NHSL2: variants seen among roughly 807,000 people sequenced by gnomAD.
NHSL2 encodes the protein NHS like 2.
Under a neutral mutation model 53.4 loss-of-function variants are expected in NHSL2, and 27 were observed. The ratio of observed to expected loss-of-function variants is 0.51; its 90% CI spans 0.37 to 0.70. The LOEUF is 0.70. NHSL2 is among the 30% of genes least tolerant of loss of function. The pLI is 0.00. For synonymous variants in NHSL2, 408 were observed against 404.1 expected (o/e 1.01, Z -0.12); for missense variants, 892 against 980.1 (o/e 0.91, Z 1.20).
At chrX:72,127,697 T>A (rs2042241200) in intron 1 of NHSL2, 1 of 68,999 alleles carries the variant, frequency 1.4e-5, no homozygotes, top group African/African-American at 3.8e-5. Context: ...CTTGAGGAAA[T>A]CAGATAAAAT....
chrX:72,131,575 G>T, intron 1 of NHSL2: 1 of 1,137,437 alleles, frequency 8.8e-7, no homozygotes, highest in Non-Finnish European at 1.2e-6. Context: ...GCTCCGTGGT[G>T]GGGAAAGGGG....
chrX:71,933,749 G>A (rs1033383786), intron 1 of NHSL2, among the ~76,000 whole-genome samples: 9 of 111,599 alleles, frequency 8.1e-5, no homozygotes, highest in African/African-American at 2.9e-4. Flanking sequence ...TTACTATGAC[G>A]TGGAAGCCCT....
intron 1 of NHSL2, among the ~76,000 whole-genome samples, chrX:72,071,062 G>A (rs1340124781): frequency 2.7e-5 from 3 of 111,372 alleles, no homozygotes; most frequent in Non-Finnish European, 3.8e-5. Context: ...CTTACAGGGC[G>A]TGGTGGGGAG....
At chrX:71,970,557 G>T (rs922536064) in intron 1 of NHSL2, among the ~76,000 whole-genome samples, 3 of 107,479 alleles carry the variant, frequency 2.8e-5, no homozygotes, top group East Asian at 2.8e-4. Flanking sequence ...TTTTATTTCT[G>T]TAAGGTCAGT....
chrX:72,041,912 C>T (rs1029847709), intron 1 of NHSL2, among the ~76,000 whole-genome samples: 4 of 112,083 alleles, frequency 3.6e-5, no homozygotes, highest in African/African-American at 1.3e-4. Context: ...AACATGAGAA[C>T]GGTGAGGTGA....
intron 1 of NHSL2, among the ~76,000 whole-genome samples, chrX:72,014,046 A>G (rs956496200): frequency 8.1e-5 from 9 of 111,480 alleles, no homozygotes; most frequent in Non-Finnish European, 1.5e-4. Context: ...TAGATTTGGG[A>G]AGTTTATATT....
At chrX:72,107,413 G>A (rs1181377095) in intron 1 of NHSL2, among the ~76,000 whole-genome samples, 1 of 112,581 alleles carries the variant, frequency 8.9e-6, no homozygotes, top group Non-Finnish European at 1.9e-5. Flanking sequence ...TTGTGGGTAG[G>A]CAGGGAGTTC....
chrX:72,097,495 T>G (rs902927524), intron 1 of NHSL2, among the ~76,000 whole-genome samples: 1 of 112,113 alleles, frequency 8.9e-6, no homozygotes, highest in Admixed American at 9.4e-5. Flanking sequence ...TTCAAAACCC[T>G]TCTTTATTCT....
intron 1 of NHSL2, among the ~76,000 whole-genome samples, chrX:72,054,046 C>G (rs917371064): frequency 9.0e-6 from 1 of 110,880 alleles, no homozygotes; most frequent in Non-Finnish European, 1.9e-5. Context: ...TGAAGAGAAC[C>G]TCACAACTCT....
At chrX:72,032,895 ATATTTTGTGGGTC>A (rs2042223049) in intron 1 of NHSL2, among the ~76,000 whole-genome samples, 1 of 111,850 alleles carries the variant, frequency 8.9e-6, no homozygotes, top group Non-Finnish European at 1.9e-5. Context: ...TCAGTTGGGC[ATATTTTGTGGGTC>A]TATTTCTGGA....
At chrX:71,969,858 G>C (rs2041917993) in intron 1 of NHSL2, among the ~76,000 whole-genome samples, 1 of 111,720 alleles carries the variant, frequency 9.0e-6, no homozygotes, top group Admixed American at 9.5e-5. Flanking sequence ...CCTTGTCTTA[G>C]GGAAAAGCTT....
intron 1 of NHSL2, among the ~76,000 whole-genome samples, chrX:72,088,400 T>C (rs1327126429): frequency 8.9e-6 from 1 of 112,701 alleles, no homozygotes; most frequent in Non-Finnish European, 1.9e-5. Context: ...AGTCTGGAAC[T>C]TAATTAATAG....
chrX:72,033,183 C>CTTTTT (rs771573442), intron 1 of NHSL2, among the ~76,000 whole-genome samples: 2 of 78,987 alleles, frequency 2.5e-5, no homozygotes, highest in African/African-American at 1.0e-4. Context: ...GAAGAATTGA[C>CTTTTT]TTTTTTTTTT....
In NHSL2 at chrX:72,126,528, C is replaced by G. The variant is rs191686685; in HGVS notation, c.281-5551C>G. On this transcript the variant is annotated intron_variant, in intron 1 of 7. Coordinates refer to ENST00000633930, the MANE Select transcript of NHSL2 (RefSeq NM_001013627.3). ...GATGTGAAGTGCCTGGCACAGCACT[C>G]AAAAGCAGCAGAGGCTTAATGAATG... is the stretch of plus-strand genomic sequence containing the variant. 2.5e-4 allele frequency among the ~76,000 whole-genome samples: 27 copies of G among 109,874 alleles called. No individual in the cohort carries two copies. In the East Asian group the frequency reaches 7.1e-3, roughly 29 times the overall value.
intron 1 of NHSL2, among the ~76,000 whole-genome samples, chrX:72,090,256 G>C (rs923460366): frequency 1.8e-5 from 2 of 110,793 alleles, no homozygotes; most frequent in Non-Finnish European, 3.8e-5. Context: ...GTAGAGACAG[G>C]GTTTCACCGT....
chrX:71,964,029 A>ATATATATGTGTGTGTG (rs1556312370), intron 1 of NHSL2, among the ~76,000 whole-genome samples: 2 of 32,059 alleles, frequency 6.2e-5, no homozygotes, highest in South Asian at 1.6e-3. Flanking sequence ...ATATATGTGT[A>ATATATATGTGTGTGTG]TATATATATA....
chrX:71,941,399 C>T (rs1386688983), intron 1 of NHSL2, among the ~76,000 whole-genome samples: 1 of 111,446 alleles, frequency 9.0e-6, no homozygotes, highest in Non-Finnish European at 1.9e-5. Context: ...TCAGCGTCAA[C>T]ATCTTTCAGA....
intron 1 of NHSL2, among the ~76,000 whole-genome samples, chrX:71,960,026 T>C (rs1267479185): frequency 8.9e-6 from 1 of 112,403 alleles, no homozygotes; most frequent in Non-Finnish European, 1.9e-5. Context: ...TCAATACTTG[T>C]TCTGCAATGT....
chrX:72,107,102 C>T (rs1197747809), intron 1 of NHSL2, among the ~76,000 whole-genome samples: 5 of 110,138 alleles, frequency 4.5e-5, no homozygotes, highest in Non-Finnish European at 9.5e-5. Context: ...CCCTAGAACT[C>T]AGAGTATAAT....
Sources: allele counts gnomAD v4.1 joint callset (sites outside exome capture counted in the v4.1 genomes callset), GRCh38; gene constraint gnomAD v4.1.1; transcripts MANE v1.5; gene names NCBI Gene and HGNC (gene_info 2026-07-23, HGNC 2026-07-21).